The following NPHP4 variants were observed in gnomAD, a reference collection of about 807,000 sequenced individuals.
The protein encoded by NPHP4 is nephrocystin 4.
Under a neutral mutation model 155.8 loss-of-function variants are expected in NPHP4, and 151 were observed. That is an observed-to-expected ratio of 0.97 (90% CI 0.85 to 1.11). The LOEUF is 1.11. Among genes scored for constraint, NPHP4 ranks in the 50% least tolerant of loss-of-function variants. The probability of loss-of-function intolerance (pLI) is 0.00; values close to 1 mark genes in which losing one functional copy is unlikely to be tolerated. For missense variants in NPHP4, 1,956 were observed against 1,925.7 expected (o/e 1.02, Z -0.29); for synonymous variants, 845 against 816.8 (o/e 1.03, Z -0.59).
At position 5,867,626 on chromosome 1, in the gene NPHP4, G is replaced by C. The variant is rs1641381990; in HGVS notation, c.3472+114C>G. On this transcript the variant is annotated intron_variant, in intron 24 of 29. Transcript: ENST00000378156. The surrounding 1 kb of genome is among the most constrained non-coding windows in gnomAD (Gnocchi z 4.1). ...GAGAATTCCCCAGGCCCCACGTGCT[G>C]CTCTGACAGCACCAGGGCATGAAGC... The C allele has an allele frequency of 2.7e-5, 31 of 1,129,876 alleles. No individual in the cohort carries two copies. The highest frequency in any genetic ancestry group is 3.9e-5 in the Non-Finnish European group (31 of 787,476). The allele number at this position is 1,129,876 out of a possible 1,614,324, so 70.0% of individuals were successfully genotyped here.
Position 5,904,657 on chromosome 1 carries a change from G to A in NPHP4, c.2103C>T (p.His701=). The A allele has an allele frequency of 1.9e-6, 3 of 1,613,514 alleles. No homozygotes were observed. Among genetic ancestry groups the A allele is most frequent in the Non-Finnish European group, 2.5e-6 (3 of 1,179,550 alleles). Residue 701 remains histidine (H), a synonymous_variant, in exon 16 of 30, where the codon CAC becomes CAT. Transcript: ENST00000378156. ...AGQPSSGALT[H]ILVPVSRDGT... is the part of the protein sequence containing the mutation. ...CATCTCTGCTCACAGGCACGAGGAT[G>A]TGGGTCAGGGCGCCAGAGCTGGGCT...
At chr1:5,923,441 G>A (rs1645846276) in intron 11 of NPHP4, among the ~76,000 whole-genome samples, 1 of 152,206 alleles carries the variant, frequency 6.6e-6, no homozygotes, top group Non-Finnish European at 1.5e-5. Context: ...CACCAGACAG[G>A]ATGAGCAGCA....
Position 5,863,110 on chromosome 1 carries a change from C to T in NPHP4, c.*155G>A, listed in dbSNP as rs977753020. Reference sequence around the variant, plus strand: ...GATGCAGGTACTACAAAATGACCAGCGCTCGGTCTCTGCTTCCTCAGCCAA... The same window carrying T: ...GATGCAGGTACTACAAAATGACCAGTGCTCGGTCTCTGCTTCCTCAGCCAA... On this transcript the variant is annotated 3_prime_UTR_variant, in exon 30 of 30. Coordinates refer to ENST00000378156, the MANE Select transcript of NPHP4 (RefSeq NM_015102.5). 1.5e-5 allele frequency: 11 copies of T among 740,064 alleles called. No individual in the cohort carries two copies. The highest frequency in any genetic ancestry group is 2.6e-5 in the Non-Finnish European group (11 of 431,078). 45.8% of individuals were successfully genotyped at this position (740,064 alleles called of 1,614,324 possible).
rs567048734 is a variant in NPHP4, at chr1:5,934,464, C to A, written c.1120-1135G>T. ...TGTGTCCCATGCGCAGGAGAAACAA[C>A]CCCCAAGCAGGAGGTGGTGACTGGA... On this transcript the variant is annotated intron_variant, in intron 9 of 29. Coordinates refer to ENST00000378156, the MANE Select transcript of NPHP4 (RefSeq NM_015102.5). Among the ~76,000 whole-genome samples, 14 of 152,226 alleles carry A rather than the reference C, an allele frequency of 9.2e-5. No homozygotes were observed. The South Asian group carries it at 1.9e-3, about 20-fold the overall frequency.
chr1:5,864,615 A>C, intron 27 of NPHP4, 98 bp from the exon 28 acceptor site: 14 of 1,207,300 alleles, frequency 1.2e-5, no homozygotes, highest in Non-Finnish European at 1.6e-5. Flanking sequence ...GGGGAGCCCA[A>C]GGTCATGGGT....
chr1:5,926,862 T>C (rs1646032298), intron 11 of NPHP4, among the ~76,000 whole-genome samples: 1 of 152,166 alleles, frequency 6.6e-6, no homozygotes, highest in Admixed American at 6.5e-5. Context: ...TATCTTGCCA[T>C]CTGGAACAGG....
Position 5,905,167 on chromosome 1 carries a change from T to C in NPHP4, c.1955+125A>G, listed in dbSNP as rs940920415. 4 of 777,930 alleles carry C rather than the reference T, an allele frequency of 5.1e-6. No individual in the cohort carries two copies. In the African/African-American group the frequency reaches 5.2e-5, roughly 10 times the overall value. 48.2% of individuals were successfully genotyped at this position (777,930 alleles called of 1,614,324 possible). ...CTAGCCAAGAGAAGATAAAAACAGA[T>C]GGCACTCCCGAATCTACTAAGACCT... is the stretch of plus-strand genomic sequence containing the variant. On this transcript the variant is annotated intron_variant, in intron 15 of 29. Transcript: ENST00000378156. The surrounding 1 kb of genome is among the most constrained non-coding windows in gnomAD (Gnocchi z 4.0).
intron 8 of NPHP4, among the ~76,000 whole-genome samples, chr1:5,947,646 C>A (rs1225384455): frequency 6.6e-6 from 1 of 152,198 alleles, no homozygotes. Context: ...TGCCTGGCAC[C>A]ATGAGAGAGG....
rs115479200 is a variant in NPHP4, at chr1:5,865,070, G to A, written c.3816+32C>T. The A allele has an allele frequency of 2.3e-4, 373 of 1,603,274 alleles. No homozygotes were observed. The African/African-American group carries it at 4.6e-3, about 20-fold the overall frequency. On this transcript the variant is annotated intron_variant, in intron 27 of 29. Transcript: ENST00000378156. Reference sequence around the variant, plus strand: ...CCCGTCTCCAGGCTGGGGTTGGGGAGAGGCTCAGAACAGCCCCCAGAGAGG... The same window carrying A: ...CCCGTCTCCAGGCTGGGGTTGGGGAAAGGCTCAGAACAGCCCCCAGAGAGG...
Position 5,905,248 on chromosome 1 carries a change from G to T in NPHP4, c.1955+44C>A. On this transcript the variant is annotated intron_variant, in intron 15 of 29. Transcript: ENST00000378156. The surrounding 1 kb of genome is among the most constrained non-coding windows in gnomAD (Gnocchi z 4.0). ...TCAGCGAAGTTTCTCTTCAACACAGGAAATGTGAAAGCCAGATGAGTAACA... is the reference window on the plus strand; with the variant it reads ...TCAGCGAAGTTTCTCTTCAACACAGTAAATGTGAAAGCCAGATGAGTAACA... The T allele has an allele frequency of 6.6e-7, 1 of 1,505,364 alleles. No individual in the cohort carries two copies. The highest frequency in any genetic ancestry group is 9.3e-7 in the Non-Finnish European group (1 of 1,080,918). The allele number at this position is 1,505,364 out of a possible 1,614,324, so 93.3% of individuals were successfully genotyped here.
intron 1 of NPHP4, among the ~76,000 whole-genome samples, chr1:5,989,791 G>T (rs1183050012): frequency 6.6e-6 from 1 of 152,188 alleles, no homozygotes; most frequent in Non-Finnish European, 1.5e-5. Context: ...GTGTCTGCAG[G>T]ACTCAGTGCC....
chr1:5,870,497 C>T (rs967252594), intron 23 of NPHP4, among the ~76,000 whole-genome samples: 1 of 152,130 alleles, frequency 6.6e-6, no homozygotes, highest in East Asian at 1.9e-4. Flanking sequence ...CCAACCAACT[C>T]GGGCCAGGTC....
intron 2 of NPHP4, among the ~76,000 whole-genome samples, chr1:5,983,781 C>T (rs1655067925): frequency 6.6e-6 from 1 of 152,172 alleles, no homozygotes; most frequent in African/African-American, 2.4e-5. Context: ...TTATGAGGTG[C>T]CCCTTTATTT....
At chr1:5,980,303 C>T (rs1263242727) in intron 2 of NPHP4, among the ~76,000 whole-genome samples, 8 of 152,320 alleles carry the variant, frequency 5.3e-5, no homozygotes, top group Admixed American at 2.6e-4. Flanking sequence ...TCTCCTGATC[C>T]GCTGGCCTCA....
intron 3 of NPHP4, among the ~76,000 whole-genome samples, chr1:5,975,119 T>C (rs1291417236): frequency 1.1e-4 from 16 of 152,214 alleles, no homozygotes; most frequent in Admixed American, 1.0e-3. Context: ...CACACCCTCA[T>C]GCCTAAGAAT....
chr1:5,873,827 A>G, intron 22 of NPHP4: 1 of 252,552 alleles, frequency 4.0e-6, no homozygotes, highest in Non-Finnish European at 7.7e-6. Flanking sequence ...CACACACCTC[A>G]CATACTCCCT....
intron 11 of NPHP4, among the ~76,000 whole-genome samples, chr1:5,912,537 CA>C (rs752371714): frequency 3.0e-3 from 232 of 77,898 alleles, no homozygotes; most frequent in Non-Finnish European, 4.6e-3. Context: ...GACTCCGTCT[CA>C]AAAAAAAAAA....
At chr1:5,906,970 A>C in intron 13 of NPHP4, 145 bp downstream of exon 13, 1 of 480,610 alleles carries the variant, frequency 2.1e-6, no homozygotes, top group Non-Finnish European at 3.8e-6. Flanking sequence ...CAGAGTAAGC[A>C]ATGCCCCACT....
intron 11 of NPHP4, among the ~76,000 whole-genome samples, chr1:5,912,111 A>T (rs1245627793): frequency 1.3e-5 from 2 of 152,238 alleles, no homozygotes; most frequent in African/African-American, 4.8e-5. Context: ...AACATTAGAC[A>T]CAATCCTGGT....
Sources: allele counts gnomAD v4.1 joint callset (sites outside exome capture counted in the v4.1 genomes callset), GRCh38; gene constraint gnomAD v4.1.1; non-coding constraint Gnocchi (gnomAD v3.1); transcripts MANE v1.5; gene names NCBI Gene and HGNC (gene_info 2026-07-23, HGNC 2026-07-21).